The following COL5A2 variants were observed in gnomAD, a reference collection of about 807,000 sequenced individuals.
The protein encoded by COL5A2 is collagen alpha-2(V) chain.
In COL5A2, 23 loss-of-function variants were observed where a neutral mutation model predicts 208.2. The observed-to-expected ratio is 0.11, with a 90% CI of 0.08 to 0.16. The LOEUF (loss-of-function observed/expected upper bound fraction) is 0.16. Ranked by LOEUF, COL5A2 falls within the 10% of genes least tolerant of loss-of-function variation. The pLI is 1.00. For missense variants in COL5A2, 1,590 were observed against 1,956.4 expected, an observed-to-expected ratio of 0.81 and a Z score of 3.53; for synonymous variants, 625 against 628.5, an observed-to-expected ratio of 0.99 and a Z score of 0.08.
the COL5A2 span, among the ~76,000 whole-genome samples, chr2:189,418,947 G>T: frequency 6.6e-6 from 1 of 152,114 alleles, no homozygotes; most frequent in Non-Finnish European, 1.5e-5. Flanking sequence ...GATAAAGTAT[G>T]ACTTAGTGGG....
chr2:189,133,345 T>A (rs1687762484), intron 1 of COL5A2, among the ~76,000 whole-genome samples: 1 of 151,842 alleles, frequency 6.6e-6, no homozygotes, highest in Admixed American at 6.6e-5. Flanking sequence ...GATCTCGATC[T>A]CTTGACTGCG....
chr2:189,109,183 T>A (rs2105709572), intron 2 of COL5A2, among the ~76,000 whole-genome samples: 1 of 152,188 alleles, frequency 6.6e-6, no homozygotes, highest in African/African-American at 2.4e-5. Context: ...TTGCCACCAT[T>A]GTTCCCATTT....
intron 1 of COL5A2, among the ~76,000 whole-genome samples, chr2:189,113,261 C>A (rs954413332): frequency 1.3e-5 from 2 of 152,074 alleles, no homozygotes; most frequent in African/African-American, 4.8e-5. Context: ...GAGATACTAT[C>A]TCTGCAAAAA....
chr2:189,321,709 C>T, the COL5A2 span, among the ~76,000 whole-genome samples: 2 of 152,142 alleles, frequency 1.3e-5, no homozygotes, highest in Admixed American at 1.3e-4. Context: ...GAGACTTAGA[C>T]TCCCACACAA....
intron 1 of COL5A2, among the ~76,000 whole-genome samples, chr2:189,222,437 A>T (rs1382914389): frequency 1.3e-5 from 2 of 152,200 alleles, no homozygotes; most frequent in Non-Finnish European, 2.9e-5. Context: ...ATATGTTATC[A>T]AGTATGATTT....
chr2:189,230,072 T>C (rs1004646972), upstream of COL5A2, among the ~76,000 whole-genome samples: 2 of 151,694 alleles, frequency 1.3e-5, no homozygotes, highest in African/African-American at 4.8e-5. Flanking sequence ...GTGCCAAGAA[T>C]ACATAAGGGG....
the COL5A2 span, among the ~76,000 whole-genome samples, chr2:189,357,875 G>A: frequency 6.6e-6 from 1 of 152,002 alleles, no homozygotes; most frequent in Admixed American, 6.6e-5. Context: ...GGAATCTCCT[G>A]GTCTGTGGGT....
chr2:189,310,564 A>C, the COL5A2 span, among the ~76,000 whole-genome samples: 1 of 151,596 alleles, frequency 6.6e-6, no homozygotes. Context: ...CAGCAATCCC[A>C]CTGTTGGGTA....
chr2:189,194,101 C>T (rs548878667), intron 1 of COL5A2, among the ~76,000 whole-genome samples: 10 of 152,104 alleles, frequency 6.6e-5, no homozygotes, highest in East Asian at 5.8e-4. Context: ...ATTTCTAAAA[C>T]GGTAAATGCC....
At chr2:189,406,456 GT>G in the COL5A2 span, among the ~76,000 whole-genome samples, 1 of 152,128 alleles carries the variant, frequency 6.6e-6, no homozygotes, top group Non-Finnish European at 1.5e-5. Flanking sequence ...TTGTTAACTG[GT>G]TTTAGTGTAT....
the COL5A2 span, among the ~76,000 whole-genome samples, chr2:189,317,672 T>C: frequency 6.6e-6 from 1 of 152,158 alleles, no homozygotes; most frequent in South Asian, 2.1e-4. Context: ...TTCATCCACA[T>C]TGATGAAATA....
intron 2 of COL5A2, among the ~76,000 whole-genome samples, chr2:189,104,718 T>C (rs1468974719): frequency 6.6e-6 from 1 of 151,830 alleles, no homozygotes; most frequent in African/African-American, 2.4e-5. Context: ...CTATTTCCAC[T>C]TTACCCCCAC....
At chr2:189,134,325 C>G (rs1027499663) in intron 1 of COL5A2, among the ~76,000 whole-genome samples, 1 of 152,218 alleles carries the variant, frequency 6.6e-6, no homozygotes, top group Admixed American at 6.5e-5. Context: ...TGTGGTGGCT[C>G]ACACCTGTAA....
At chr2:189,256,549 T>C in the COL5A2 span, among the ~76,000 whole-genome samples, 1 of 152,228 alleles carries the variant, frequency 6.6e-6, no homozygotes, top group Non-Finnish European at 1.5e-5. Flanking sequence ...CTACAAGTTG[T>C]CCACAGCTGA....
chr2:189,440,482 A>C, the COL5A2 span, among the ~76,000 whole-genome samples: 34 of 152,348 alleles, frequency 2.2e-4, no homozygotes, highest in East Asian at 2.5e-3. Flanking sequence ...GTATTTAAAC[A>C]CATAAAAGGT....
the COL5A2 span, among the ~76,000 whole-genome samples, chr2:189,314,422 C>T: frequency 6.6e-6 from 1 of 152,166 alleles, no homozygotes; most frequent in African/African-American, 2.4e-5. Context: ...ACCAGAGTCT[C>T]TGGGACAGTT....
At chr2:189,295,040 C>G in the COL5A2 span, among the ~76,000 whole-genome samples, 2 of 151,948 alleles carry the variant, frequency 1.3e-5, no homozygotes, top group African/African-American at 4.8e-5. Context: ...AACTCCTGGG[C>G]TCAAGCAATC....
the COL5A2 span, among the ~76,000 whole-genome samples, chr2:189,364,579 C>G: frequency 6.6e-6 from 1 of 151,910 alleles, no homozygotes; most frequent in Admixed American, 6.6e-5. Context: ...TCCAGCTACT[C>G]GGAAGGCTGA....
chr2:189,057,377 A>G lies in COL5A2; in HGVS notation c.2280T>C (p.Leu760=), dbSNP rs1422776430. 6.2e-7 allele frequency: 1 copy of G among 1,613,114 alleles called. No homozygotes were observed. Among genetic ancestry groups the G allele is most frequent in the East Asian group, 2.2e-5 (1 of 44,810 alleles). The change falls in exon 34 of 54, where the codon CTT becomes CTC. Residue 760 remains leucine (L), a synonymous_variant. Transcript: ENST00000374866. ...TTCCTCTTTCTCCCGGCATACCTTG[A>G]AGACCTGGTGGGCCTGTATCTCCAG... is the stretch of plus-strand genomic sequence containing the variant. ...GTPGDTGPPG[L]QGMPGERGIA... is the part of the protein sequence containing the mutation.
Sources: allele counts gnomAD v4.1 joint callset (sites outside exome capture counted in the v4.1 genomes callset), GRCh38; gene constraint gnomAD v4.1.1; transcripts MANE v1.5; gene names NCBI Gene and HGNC (gene_info 2026-07-23, HGNC 2026-07-21).